The following DESI2 variants were observed in gnomAD, a reference collection of about 807,000 sequenced individuals.
DESI2 encodes deubiquitinase DESI2.
In DESI2, 10 loss-of-function variants were observed where a neutral mutation model predicts 24.1. The observed-to-expected ratio is 0.41, with a 90% CI of 0.26 to 0.70. The LOEUF (loss-of-function observed/expected upper bound fraction) is 0.70. Among genes scored for constraint, DESI2 ranks in the 30% least tolerant of loss-of-function variants. The pLI is 0.29. For missense variants in DESI2, 122 were observed against 234.9 expected, an observed-to-expected ratio of 0.52 and a Z score of 3.14; for synonymous variants, 71 against 87.7, an observed-to-expected ratio of 0.81 and a Z score of 1.06.
At chr1:244,666,126 A>G (rs1460140332) in intron 1 of DESI2, among the ~76,000 whole-genome samples, 2 of 152,088 alleles carry the variant, frequency 1.3e-5, no homozygotes, top group Non-Finnish European at 2.9e-5. Flanking sequence ...AATATGTCAT[A>G]CTTTCTCCCC....
chr1:244,682,859 A>G (rs1412619675), intron 1 of DESI2, among the ~76,000 whole-genome samples: 2 of 151,640 alleles, frequency 1.3e-5, no homozygotes, highest in African/African-American at 4.8e-5. Context: ...GTTGTCAAAA[A>G]AAAAAAAAAA....
chr1:244,653,367 C>G lies in DESI2; in HGVS notation c.42+12C>G, dbSNP rs1167002744. On this transcript the variant is annotated intron_variant, in intron 1 of 4. Transcript: ENST00000302550. ...ACGTGTACGACATGGTGAGTGCGGC[C>G]CCTGGCGGCCCCGAGCCCTGGCCCA... 1 of 1,543,486 alleles carries G rather than the reference C, an allele frequency of 6.5e-7. No individual in the cohort carries two copies. The highest frequency in any genetic ancestry group is 8.7e-7 in the Non-Finnish European group (1 of 1,152,136).
intron 4 of DESI2, among the ~76,000 whole-genome samples, chr1:244,702,455 A>G (rs12089409): frequency 0.021 from 3,135 of 152,294 alleles, 105 homozygotes; most frequent in African/African-American, 0.07. Context: ...TGGAGATTGC[A>G]GCGAGCCCAG....
At chr1:244,703,681 CAG>C (rs1677571102) in intron 4 of DESI2, among the ~76,000 whole-genome samples, 7 of 146,630 alleles carry the variant, frequency 4.8e-5, no homozygotes, top group Non-Finnish European at 4.5e-5. Flanking sequence ...TTTTTTGAGA[CAG>C]AGTCTTGCTC....
chr1:244,653,784 C>G (rs1675548637), intron 1 of DESI2: 2 of 367,904 alleles, frequency 5.4e-6, no homozygotes, highest in Non-Finnish European at 1.1e-5. Context: ...GTCCGTCTCT[C>G]TCCATGGCTA....
intron 4 of DESI2, among the ~76,000 whole-genome samples, chr1:244,694,039 T>C (rs949966929): frequency 3.9e-5 from 6 of 152,226 alleles, no homozygotes; most frequent in African/African-American, 1.4e-4. Flanking sequence ...GACAACATAG[T>C]GTGGGGACGT....
In DESI2 at chr1:244,689,232, G is replaced by C; in HGVS notation, c.116-17G>C. 7.7e-7 allele frequency: 1 copy of C among 1,306,194 alleles called. No individual in the cohort carries two copies. Among genetic ancestry groups the C allele is most frequent in the Non-Finnish European group, 1.1e-6 (1 of 903,128 alleles). 80.9% of individuals were successfully genotyped at this position (1,306,194 alleles called of 1,614,324 possible). ...TTATGTGATACATACTAAAAATCATGAGTTTTCTCTTTTCAGAATTTGCTT... is the reference window on the plus strand; with the variant it reads ...TTATGTGATACATACTAAAAATCATCAGTTTTCTCTTTTCAGAATTTGCTT... On this transcript the variant is annotated splice_polypyrimidine_tract_variant and intron_variant, in intron 2 of 4. Coordinates refer to ENST00000302550, the MANE Select transcript of DESI2 (RefSeq NM_016076.5). The surrounding 1 kb of genome is among the most constrained non-coding windows in gnomAD (Gnocchi z 4.0).
At chr1:244,666,281 T>C (rs1163043439) in intron 1 of DESI2, among the ~76,000 whole-genome samples, 1 of 152,220 alleles carries the variant, frequency 6.6e-6, no homozygotes, top group Non-Finnish European at 1.5e-5. Context: ...GAATGAATTG[T>C]CCATGTCTCT....
rs531369844 is a variant in DESI2 at position 244,662,094 on chromosome 1, C to T, written c.42+8739C>T. On this transcript the variant is annotated intron_variant, in intron 1 of 4. Coordinates refer to ENST00000302550, the MANE Select transcript of DESI2 (RefSeq NM_016076.5). ...TGTTGTTTCCTGACTTCTTAATGAT[C>T]GCCATTCTAACTGGTGTGAGAAGGT... Among the ~76,000 whole-genome samples the T allele has an allele frequency of 6.1e-4, 93 of 152,294 alleles. 1 individual carries two copies. The highest frequency in any genetic ancestry group is 2.0e-3 in the African/African-American group (84 of 41,564).
rs148570523 is a variant in DESI2 at position 244,691,394 on chromosome 1, CCTT to C, written c.210-481_210-479del. Reference sequence around the variant, plus strand: ...GTGAGCCGCCATACCCGGCCAGGGTCCTTCTTTTTAAAAAACGTTTAGTCAGAT... The same window carrying C: ...GTGAGCCGCCATACCCGGCCAGGGTCCTTTTTAAAAAACGTTTAGTCAGAT... On this transcript the variant is annotated intron_variant, in intron 3 of 4. Transcript: ENST00000302550. 6.6e-3 allele frequency among the ~76,000 whole-genome samples: 1,003 copies of C among 152,302 alleles called. 18 individuals are homozygous for C. The highest frequency in any genetic ancestry group is 0.023 in the African/African-American group (942 of 41,566).
chr1:244,675,090 C>T (rs531269516), intron 1 of DESI2, among the ~76,000 whole-genome samples: 386 of 152,214 alleles, frequency 2.5e-3, no homozygotes, highest in African/African-American at 8.2e-3. Flanking sequence ...TTTTAATTTG[C>T]GTATCTTCTT....
chr1:244,663,366 C>T (rs576698940), intron 1 of DESI2, among the ~76,000 whole-genome samples: 133 of 151,956 alleles, frequency 8.8e-4, no homozygotes, highest in African/African-American at 3.0e-3. Context: ...TTAGTAGAGA[C>T]GGGGTTTCAC....
chr1:244,658,169 C>A (rs1339213383), intron 1 of DESI2, among the ~76,000 whole-genome samples: 1 of 152,198 alleles, frequency 6.6e-6, no homozygotes, highest in Non-Finnish European at 1.5e-5. Context: ...TCATTTTAAT[C>A]CTTCCTCCAT....
intron 1 of DESI2, among the ~76,000 whole-genome samples, chr1:244,684,989 T>C (rs1676765400): frequency 1.3e-5 from 2 of 152,212 alleles, no homozygotes; most frequent in South Asian, 4.1e-4. Context: ...GTTTCCTAAC[T>C]TGCCATCCAA....
chr1:244,673,152 A>G (rs1241549046), intron 1 of DESI2, among the ~76,000 whole-genome samples: 3 of 152,198 alleles, frequency 2.0e-5, no homozygotes, highest in Non-Finnish European at 4.4e-5. Flanking sequence ...TTAAATTTGC[A>G]TCTTCCACAG....
At chr1:244,700,048 AC>A (rs1388423163) in intron 4 of DESI2, among the ~76,000 whole-genome samples, 1 of 152,194 alleles carries the variant, frequency 6.6e-6, no homozygotes, top group Non-Finnish European at 1.5e-5. Context: ...TCCCTCTGAA[AC>A]AAAAACTCAA....
chr1:244,700,368 G>A (rs763889472), intron 4 of DESI2, among the ~76,000 whole-genome samples: 9 of 152,130 alleles, frequency 5.9e-5, no homozygotes, highest in Non-Finnish European at 1.2e-4. Flanking sequence ...TTTTCGTTTC[G>A]GATCAGTGTA....
intron 1 of DESI2, 49 bp downstream of exon 1, chr1:244,653,404 T>C (rs1178277004): frequency 1.3e-6 from 2 of 1,529,062 alleles, no homozygotes; most frequent in East Asian, 5.3e-5. Flanking sequence ...GCCGGCTTCC[T>C]CTCGCCCGTG....
chr1:244,682,557 TTTC>T (rs1158766735), intron 1 of DESI2, among the ~76,000 whole-genome samples: 3 of 152,236 alleles, frequency 2.0e-5, no homozygotes, highest in Non-Finnish European at 4.4e-5. Context: ...TTTCTGGTTT[TTTC>T]TTCTTTTTCT....
Sources: allele counts gnomAD v4.1 joint callset (sites outside exome capture counted in the v4.1 genomes callset), GRCh38; gene constraint gnomAD v4.1.1; non-coding constraint Gnocchi (gnomAD v3.1); transcripts MANE v1.5; gene names NCBI Gene and HGNC (gene_info 2026-07-23, HGNC 2026-07-21).